The following SETDB2 variants were observed in gnomAD, a reference collection of about 807,000 sequenced individuals.
SETDB2 encodes the protein SET domain bifurcated histone lysine methyltransferase 2.
SETDB2 carries 56 observed loss-of-function variants against 82.5 expected under a neutral mutation model. That is an observed-to-expected ratio of 0.68 (90% CI 0.55 to 0.85). The LOEUF is 0.85. Among genes scored for constraint, SETDB2 ranks in the 40% least tolerant of loss-of-function variants. SETDB2 has a pLI of 0.00. For missense variants in SETDB2, 677 were observed against 816.4 expected, an observed-to-expected ratio of 0.83 and a Z score of 2.08; for synonymous variants, 272 against 284.9, an observed-to-expected ratio of 0.95 and a Z score of 0.46.
intron 5 of SETDB2, among the ~76,000 whole-genome samples, chr13:49,469,265 AT>A (rs1958180284): frequency 6.6e-6 from 1 of 152,176 alleles, no homozygotes; most frequent in South Asian, 2.1e-4. Flanking sequence ...ACTACTAGAC[AT>A]TCTTTTTATT....
intron 13 of SETDB2, 105 bp from the exon 14 acceptor site, chr13:49,491,627 C>A: frequency 1.3e-6 from 1 of 761,514 alleles, no homozygotes; most frequent in Non-Finnish European, 2.3e-6. Flanking sequence ...GAGAACAGAT[C>A]ATATTTTTGA....
At chr13:49,485,564 G>C in intron 10 of SETDB2, 66 bp from the exon 11 acceptor site, 1 of 1,223,728 alleles carries the variant, frequency 8.2e-7, no homozygotes. Flanking sequence ...CTTGATGAAA[G>C]AGGCCTAACT....
chr13:49,484,204 G>A (rs1958545539), intron 10 of SETDB2, among the ~76,000 whole-genome samples: 1 of 152,170 alleles, frequency 6.6e-6, no homozygotes, highest in Admixed American at 6.5e-5. Flanking sequence ...GTCTTCAGGA[G>A]TTAATAGTGA....
intron 6 of SETDB2, among the ~76,000 whole-genome samples, chr13:49,478,994 A>C (rs1958425588): frequency 6.6e-6 from 1 of 152,230 alleles, no homozygotes; most frequent in South Asian, 2.1e-4. Context: ...GTTAAAAGGA[A>C]TTAACTAGAT....
At chr13:49,483,216 T>C (rs1301820367) in intron 9 of SETDB2, among the ~76,000 whole-genome samples, 1 of 152,340 alleles carries the variant, frequency 6.6e-6, no homozygotes, top group East Asian at 1.9e-4. Context: ...GTTTTGCTGT[T>C]TTTTAAAATT....
At chr13:49,483,007 A>G (rs1418067761) in intron 9 of SETDB2, 45 bp downstream of exon 9, 1 of 1,183,922 alleles carries the variant, frequency 8.4e-7, no homozygotes, top group Non-Finnish European at 1.2e-6. Flanking sequence ...AATTATTATC[A>G]ATCAATTGGT....
chr13:49,468,333 G>C lies in SETDB2; in HGVS notation c.305+373G>C, dbSNP rs375668200. On this transcript the variant is annotated intron_variant, in intron 5 of 13. Transcript: ENST00000611815. ...AGTATCAGTTGAGTTTTCAAAATGC[G>C]TAACAGCTCTTAAGTAGTGTCTAAA... is the stretch of plus-strand genomic sequence containing the variant. Among the ~76,000 whole-genome samples, 53 of 152,120 alleles carry C rather than the reference G, an allele frequency of 3.5e-4. 1 individual carries two copies. The South Asian group carries it at 0.011, about 30-fold the overall frequency.
intron 2 of SETDB2, among the ~76,000 whole-genome samples, chr13:49,457,667 C>T (rs956960776): frequency 6.6e-6 from 1 of 151,910 alleles, no homozygotes; most frequent in Non-Finnish European, 1.5e-5. Context: ...AACTCCTGGC[C>T]TCAAGTGATC....
intron 3 of SETDB2, 92 bp from the exon 4 acceptor site, chr13:49,461,005 G>T (rs978902886): frequency 1.0e-6 from 1 of 971,010 alleles, no homozygotes; most frequent in South Asian, 1.6e-5. Context: ...GAATAGTGAA[G>T]ATTAAATGAG....
In SETDB2 at chr13:49,452,163, G is replaced by A. The variant is rs1957798549; in HGVS notation, c.16+254G>A. Among the ~76,000 whole-genome samples the A allele has an allele frequency of 2.0e-5, 3 of 151,084 alleles. No homozygotes were observed. The South Asian group carries it at 6.2e-4, about 31-fold the overall frequency. On this transcript the variant is annotated intron_variant, in intron 2 of 13. Coordinates refer to ENST00000611815, the MANE Select transcript of SETDB2 (RefSeq NM_001160308.3). ...TGGAGTCTCTGTCGCCCAGGCTGTA[G>A]TGCAGTAGCACAATCTTGGCTCACT...
chr13:49,459,977 A>T, intron 2 of SETDB2, 130 bp from the exon 3 acceptor site: 1 of 837,842 alleles, frequency 1.2e-6, no homozygotes, highest in Non-Finnish European at 1.8e-6. Context: ...TATTTTCCTC[A>T]AGGAAAATGA....
At chr13:49,455,479 G>C (rs901761334) in intron 2 of SETDB2, among the ~76,000 whole-genome samples, 1 of 152,102 alleles carries the variant, frequency 6.6e-6, no homozygotes, top group African/African-American at 2.4e-5. Context: ...GAATTATGCA[G>C]ATCTTCCAAA....
chr13:49,455,918 G>A (rs1957873283), intron 2 of SETDB2, among the ~76,000 whole-genome samples: 1 of 152,034 alleles, frequency 6.6e-6, no homozygotes, highest in South Asian at 2.1e-4. Flanking sequence ...GGTGTACTTA[G>A]ATGAAATTGG....
intron 6 of SETDB2, among the ~76,000 whole-genome samples, chr13:49,477,397 T>C (rs993943925): frequency 3.9e-5 from 6 of 152,006 alleles, no homozygotes; most frequent in Non-Finnish European, 7.4e-5. Flanking sequence ...GATCACACAC[T>C]GTACCAGAGG....
Position 49,483,480 on chromosome 13 carries a change from A to C in SETDB2, c.1399A>C (p.Asn467His). ...CCTTTTTAGGGAAACGAAATATGAT[A>C]ATATTTCAAGAATTCAATATCATTC... ...KELTVETKYDNISRIQYHSVI... is the reference protein window; with the variant it reads ...KELTVETKYDHISRIQYHSVI... The change falls in exon 10 of 14, where the codon AAT (asparagine) becomes CAT (histidine). Residue 467 changes from asparagine to histidine, a missense_variant. Asn to His is a moderately conservative substitution (Grantham distance 68). Around this residue, in one of 3 missense-constraint regions of SETDB2, gnomAD observed 420 missense variants for 554.6 expected, o/e 0.76. Coordinates refer to ENST00000611815, the MANE Select transcript of SETDB2 (RefSeq NM_001160308.3). The C allele has an allele frequency of 7.2e-7, 1 of 1,382,232 alleles. No homozygotes were observed. Among genetic ancestry groups the C allele is most frequent in the South Asian group, 1.4e-5 (1 of 71,460 alleles). 85.6% of individuals were successfully genotyped at this position (1,382,232 alleles called of 1,614,324 possible).
chr13:49,463,171 A>AT (rs34485321), intron 4 of SETDB2, among the ~76,000 whole-genome samples: 36 of 148,638 alleles, frequency 2.4e-4, no homozygotes, highest in Admixed American at 3.3e-4. Flanking sequence ...ACACCCGGTG[A>AT]TTTTTTTTTT....
intron 11 of SETDB2, among the ~76,000 whole-genome samples, chr13:49,488,075 C>A (rs546802178): frequency 8.1e-4 from 124 of 152,302 alleles, no homozygotes; most frequent in Admixed American, 2.4e-3. Context: ...TCAAACATTT[C>A]TAGGTTTGTT....
intron 11 of SETDB2, among the ~76,000 whole-genome samples, chr13:49,487,415 A>G (rs530825378): frequency 6.6e-6 from 1 of 152,178 alleles, no homozygotes; most frequent in South Asian, 2.1e-4. Context: ...AGCTCACTGT[A>G]CCTTCCAATT....
intron 5 of SETDB2, among the ~76,000 whole-genome samples, chr13:49,471,934 A>ATATATATATATATATATATATT (rs1378783393): frequency 8.4e-6 from 1 of 119,280 alleles, no homozygotes; most frequent in East Asian, 2.4e-4. Flanking sequence ...ATATATATAT[A>ATATATATATATATATATATATT]TTTTTTTTTT....
Sources: gnomAD v4.1 joint callset for allele counts (sites outside exome capture counted in the v4.1 genomes callset) on GRCh38, gnomAD v4.1.1 for gene constraint, gnomAD v4.1.1 regional missense constraint, MANE v1.5 for transcripts, NCBI Gene and HGNC (gene_info 2026-07-23, HGNC 2026-07-21) for gene names.